ENTREP2: variants seen among roughly 807,000 people sequenced by gnomAD.
ENTREP2 encodes the protein protein ENTREP2.
At chr15:29,176,167 AT>A in the ENTREP2 span, among the ~76,000 whole-genome samples, 69,485 of 152,006 alleles carry the variant, frequency 0.46, 16,210 homozygotes, top group East Asian at 0.6. Context: ...TCTAATCTGC[AT>A]TTAACTGATA....
the ENTREP2 span, among the ~76,000 whole-genome samples, chr15:29,286,896 A>G: frequency 1.3e-5 from 2 of 152,178 alleles, no homozygotes; most frequent in Non-Finnish European, 2.9e-5. Flanking sequence ...CCCTGGCACA[A>G]TGTTTCCCTC....
chr15:29,480,207 C>T, the ENTREP2 span, among the ~76,000 whole-genome samples: 1 of 151,930 alleles, frequency 6.6e-6, no homozygotes, highest in African/African-American at 2.4e-5. Context: ...CTTTTAATAA[C>T]ATGTCTGAAT....
the ENTREP2 span, among the ~76,000 whole-genome samples, chr15:29,422,218 C>T: frequency 2.6e-5 from 4 of 151,478 alleles, no homozygotes; most frequent in African/African-American, 9.7e-5. Context: ...TGCAGTGAGC[C>T]GAGGTCGCGC....
the ENTREP2 span, among the ~76,000 whole-genome samples, chr15:29,655,980 C>T: frequency 0.022 from 3,222 of 147,988 alleles, 126 homozygotes; most frequent in African/African-American, 0.077. Flanking sequence ...AGCGAGATCA[C>T]GCCACCGCAC....
At chr15:29,287,198 C>T in the ENTREP2 span, among the ~76,000 whole-genome samples, 1 of 152,116 alleles carries the variant, frequency 6.6e-6, no homozygotes, top group South Asian at 2.1e-4. Context: ...TTCTTTCAGG[C>T]ACTATCCGCG....
the ENTREP2 span, among the ~76,000 whole-genome samples, chr15:29,182,055 C>T: frequency 1.3e-5 from 2 of 151,814 alleles, no homozygotes; most frequent in African/African-American, 4.8e-5. Flanking sequence ...TGATGGAACC[C>T]TCTAAATAAA....
chr15:29,565,759 A>G, the ENTREP2 span, among the ~76,000 whole-genome samples: 1 of 152,044 alleles, frequency 6.6e-6, no homozygotes, highest in Non-Finnish European at 1.5e-5. Context: ...GTCAGGAGAT[A>G]GAGACCATCC....
the ENTREP2 span, among the ~76,000 whole-genome samples, chr15:29,473,465 A>C: frequency 2.0e-5 from 3 of 152,176 alleles, no homozygotes; most frequent in Non-Finnish European, 4.4e-5. Flanking sequence ...CCAATTCTGC[A>C]AAAGAATTCA....
chr15:29,340,777 G>A, the ENTREP2 span, among the ~76,000 whole-genome samples: 1 of 152,194 alleles, frequency 6.6e-6, no homozygotes, highest in Non-Finnish European at 1.5e-5. Context: ...GAAATCACAT[G>A]TATGAGAGAT....
At chr15:29,600,616 G>A in the ENTREP2 span, among the ~76,000 whole-genome samples, 11 of 152,056 alleles carry the variant, frequency 7.2e-5, no homozygotes, top group Non-Finnish European at 1.5e-4. Context: ...ATATCATGAT[G>A]TCTTATTGTA....
chr15:29,131,452 T>C, the ENTREP2 span, among the ~76,000 whole-genome samples: 33 of 151,450 alleles, frequency 2.2e-4, no homozygotes, highest in Middle Eastern at 3.4e-3. Context: ...TCAAGGGCAC[T>C]TCTACAGTTT....
the ENTREP2 span, among the ~76,000 whole-genome samples, chr15:29,587,173 G>GTA: frequency 1.4e-4 from 15 of 110,534 alleles, no homozygotes; most frequent in Admixed American, 8.9e-4. Flanking sequence ...GTGTGTGTGT[G>GTA]TGTGTGTGTG....
the ENTREP2 span, among the ~76,000 whole-genome samples, chr15:29,320,050 C>A: frequency 6.6e-6 from 1 of 152,362 alleles, no homozygotes; most frequent in African/African-American, 2.4e-5. Flanking sequence ...AGTATTCCAT[C>A]TGGGGGAAGG....
the ENTREP2 span, among the ~76,000 whole-genome samples, chr15:29,254,048 G>A: frequency 6.7e-6 from 1 of 148,196 alleles, no homozygotes; most frequent in African/African-American, 2.5e-5. Context: ...CTGCACCTAT[G>A]TAAATAATTA....
At chr15:29,548,456 A>AAAAAAT in the ENTREP2 span, among the ~76,000 whole-genome samples, 1 of 151,668 alleles carries the variant, frequency 6.6e-6, no homozygotes, top group African/African-American at 2.4e-5. Flanking sequence ...TTCTGCCTAA[A>AAAAAAT]AAAAAAAAAA....
the ENTREP2 span, among the ~76,000 whole-genome samples, chr15:29,138,605 G>GTC: frequency 9.1e-6 from 1 of 109,508 alleles, no homozygotes; most frequent in South Asian, 2.7e-4. Context: ...ATATGTATGT[G>GTC]TGTGTTTGTA....
the ENTREP2 span, among the ~76,000 whole-genome samples, chr15:29,631,828 C>A: frequency 6.6e-6 from 1 of 152,222 alleles, no homozygotes; most frequent in African/African-American, 2.4e-5. Flanking sequence ...CCAACAGCTG[C>A]CACCTGGCCC....
chr15:29,276,617 C>T, the ENTREP2 span, among the ~76,000 whole-genome samples: 1 of 152,218 alleles, frequency 6.6e-6, no homozygotes, highest in African/African-American at 2.4e-5. Flanking sequence ...TCTGAAAAAC[C>T]TGCCTCAGGG....
chr15:29,588,828 A>C, the ENTREP2 span, among the ~76,000 whole-genome samples: 1 of 151,842 alleles, frequency 6.6e-6, no homozygotes, highest in Non-Finnish European at 1.5e-5. Flanking sequence ...CTCTACAAAA[A>C]ATACAAAAAA....
Sources: gnomAD v4.1 joint callset for allele counts (sites outside exome capture counted in the v4.1 genomes callset) on GRCh38, gnomAD v4.1.1 for gene constraint, MANE v1.5 for transcripts, NCBI Gene and HGNC (gene_info 2026-07-23, HGNC 2026-07-21) for gene names.